Variants in MICAL2 observed in about 807,000 individuals in gnomAD.
The protein encoded by MICAL2 is microtubule associated monooxygenase, calponin and LIM domain containing 2, also known as [F-actin]-monooxygenase MICAL2.
MICAL2 carries 77 observed loss-of-function variants against 127.3 expected under a neutral mutation model. The ratio of observed to expected loss-of-function variants is 0.60; its 90% CI spans 0.50 to 0.73. The LOEUF is 0.73. Among genes scored for constraint, MICAL2 ranks in the 30% least tolerant of loss-of-function variants. The pLI, the probability that MICAL2 is intolerant of heterozygous loss-of-function variation, is 0.00. For synonymous variants in MICAL2, 570 were observed against 551.1 expected (o/e 1.03, Z -0.48); for missense variants, 1,351 against 1,434.4 (o/e 0.94, Z 0.94).
In MICAL2 at chr11:12,337,972, G is replaced by T. The variant is rs542607781; in HGVS notation, c.5515+10706G>T. Reference sequence around the variant, plus strand: ...AGTTCTGTAGGTGTCTAGTAGGTCCGCTTGGTGCAGAGCTGAGTTCAATTC... The same window carrying T: ...AGTTCTGTAGGTGTCTAGTAGGTCCTCTTGGTGCAGAGCTGAGTTCAATTC... On this transcript the variant is annotated intron_variant, in intron 32 of 34. Coordinates refer to the MICAL2 transcript ENST00000646065. Among the ~76,000 whole-genome samples the T allele has an allele frequency of 4.6e-5, 7 of 152,128 alleles. No individual in the cohort carries two copies. In the East Asian group the frequency reaches 5.8e-4, roughly 13 times the overall value.
intron 2 of MICAL2, among the ~76,000 whole-genome samples, chr11:12,157,203 G>T (rs1379243646): frequency 1.3e-5 from 2 of 152,148 alleles, no homozygotes; most frequent in African/African-American, 4.8e-5. Flanking sequence ...ATGCCATTTG[G>T]GAGAAGAGGC....
chr11:12,297,678 C>A (rs1864002325), intron 29 of MICAL2, among the ~76,000 whole-genome samples: 1 of 151,954 alleles, frequency 6.6e-6, no homozygotes, highest in African/African-American at 2.4e-5. Flanking sequence ...GTATTTACAT[C>A]AAGAAATTAT....
intron 3 of MICAL2, among the ~76,000 whole-genome samples, chr11:12,166,960 G>A (rs1459161695): frequency 6.6e-6 from 1 of 152,088 alleles, no homozygotes; most frequent in Non-Finnish European, 1.5e-5. Flanking sequence ...GTGGGGTGCG[G>A]GGAAAGGGTG....
intron 26 of MICAL2, 38 bp downstream of exon 26, chr11:12,259,935 G>A (rs1862871881): frequency 6.2e-7 from 1 of 1,606,212 alleles, no homozygotes; most frequent in Non-Finnish European, 8.5e-7. Flanking sequence ...TGCTGGGCTG[G>A]CCCCTCAGGC....
rs776698187 is a variant in MICAL2 at position 12,209,568 on chromosome 11, G to C, written c.661G>C (p.Gly221Arg). ...LSEFEFDVIIGADGRRNTLEG... is the reference protein window; with the variant it reads ...LSEFEFDVIIRADGRRNTLEG... ...GGAGTTTGAGTTTGACGTCATCATT[G>C]GTGCCGATGGCCGCAGGAACACCCT... is the stretch of plus-strand genomic sequence containing the variant. The change falls in exon 6 of 28, where the codon GGT (glycine) becomes CGT (arginine). Residue 221 changes from glycine (G) to arginine (R), a missense_variant. Coordinates refer to ENST00000683283, the MANE Select transcript of MICAL2 (RefSeq NM_001282663.2). 2.4e-5 allele frequency: 39 copies of C among 1,614,088 alleles called. No homozygotes were observed. The highest frequency in any genetic ancestry group is 3.2e-5 in the Non-Finnish European group (38 of 1,180,010).
chr11:12,240,903 G>A (rs1859830339), intron 17 of MICAL2, 137 bp from the exon 18 acceptor site: 5 of 1,158,170 alleles, frequency 4.3e-6, no homozygotes, highest in Non-Finnish European at 6.1e-6. Flanking sequence ...CGGGAGCTCA[G>A]CCCAGTGCTT....
intron 30 of MICAL2, among the ~76,000 whole-genome samples, chr11:12,320,007 CT>C (rs1490852292): frequency 6.6e-6 from 1 of 152,036 alleles, no homozygotes; most frequent in Non-Finnish European, 1.5e-5. Context: ...AGAAGTTTGC[CT>C]TTCTCAGACG....
intron 2 of MICAL2, among the ~76,000 whole-genome samples, chr11:12,152,029 T>C (rs1853629227): frequency 6.6e-6 from 1 of 151,972 alleles, no homozygotes; most frequent in African/African-American, 2.4e-5. Flanking sequence ...GGCTCATGCC[T>C]GTAATTCCAG....
rs141375026 is a variant in MICAL2 at position 12,226,600 on chromosome 11, C to A, written c.1888+230C>A. ...GGGTGACAGAATTATTTTAGAGGGA[C>A]CTGGTTACAATGACACCTCCTTGTT... On this transcript the variant is annotated intron_variant, in intron 14 of 27. Transcript: ENST00000683283. Among the ~76,000 whole-genome samples the A allele has an allele frequency of 1.6e-3, 241 of 151,510 alleles. 1 individual carries two copies. Among genetic ancestry groups the A allele is most frequent in the East Asian group, 6.0e-3 (31 of 5,152 alleles).
intron 3 of MICAL2, among the ~76,000 whole-genome samples, chr11:12,181,982 A>C (rs1310787454): frequency 2.0e-5 from 3 of 152,252 alleles, no homozygotes; most frequent in Non-Finnish European, 2.9e-5. Flanking sequence ...CTGTGACTTC[A>C]TCACTAATAG....
chr11:12,152,297 CAAAAAAAAAAAAAAAAA>C, intron 2 of MICAL2, among the ~76,000 whole-genome samples: 1 of 38,396 alleles, frequency 2.6e-5, no homozygotes, highest in East Asian at 1.1e-3. Flanking sequence ...GACTCTGTCT[CAAAAAAAAAAAAAAAAA>C]AAAAAAAAAA....
At position 12,255,242 on chromosome 11, in the gene MICAL2, C is replaced by T. The variant is rs111492676; in HGVS notation, c.2848-401C>T. ...CAGCCTTAACCATTTTTTAAGGGTA[C>T]GGTTTAGTGGTATTAAATACATCCT... On this transcript the variant is annotated intron_variant, in intron 22 of 27. Coordinates refer to ENST00000683283, the MANE Select transcript of MICAL2 (RefSeq NM_001282663.2). The T allele has an allele frequency of 8.3e-3, 1,531 of 185,272 alleles. 20 individuals carry two copies. The highest frequency in any genetic ancestry group is 0.033 in the African/African-American group (1,420 of 43,108). 11.5% of individuals were successfully genotyped at this position (185,272 alleles called of 1,614,324 possible).
intron 32 of MICAL2, among the ~76,000 whole-genome samples, chr11:12,332,961 C>A (rs909877209): frequency 6.6e-6 from 1 of 152,162 alleles, no homozygotes. Flanking sequence ...GCTCACTCAA[C>A]AAATACCGAC....
chr11:12,292,372 T>C (rs886377915), downstream of MICAL2: 1 of 1,511,812 alleles, frequency 6.6e-7, no homozygotes, highest in Non-Finnish European at 9.1e-7. Flanking sequence ...TCCACACTTA[T>C]CTCTGGATTC....
At chr11:12,330,783 C>T (rs927541410) in intron 32 of MICAL2, among the ~76,000 whole-genome samples, 9 of 95,972 alleles carry the variant, frequency 9.4e-5, no homozygotes, top group African/African-American at 1.6e-4. Flanking sequence ...TTTTGCAGGA[C>T]GTGGAGAGAG....
chr11:12,224,519 G>A (rs1857176934), intron 12 of MICAL2, 154 bp from the exon 13 acceptor site: 10 of 889,426 alleles, frequency 1.1e-5, no homozygotes, highest in Non-Finnish European at 1.4e-5. Flanking sequence ...AGTCCTCAGG[G>A]AGCTGCACCC....
At chr11:12,195,174 T>A (rs1429420647) in intron 3 of MICAL2, among the ~76,000 whole-genome samples, 1 of 152,148 alleles carries the variant, frequency 6.6e-6, no homozygotes, top group Admixed American at 6.5e-5. Flanking sequence ...GGAGGATCAC[T>A]AGGGCCCAGG....
chr11:12,224,555 C>T (rs1443856893), intron 12 of MICAL2, 118 bp from the exon 13 acceptor site: 3 of 1,407,676 alleles, frequency 2.1e-6, no homozygotes, highest in African/African-American at 1.4e-5. Context: ...TGCCCTGGCC[C>T]CTTGCCTTGG....
In MICAL2 at chr11:12,223,303, A is replaced by G. The variant is rs1857037109; in HGVS notation, c.1450-108A>G. ...GCCGAAGGTCATGCCTCCCAGCAGT[A>G]GAGGAAAATGGTGGCAGGCACTGAA... On this transcript the variant is annotated intron_variant, in intron 11 of 27. Coordinates refer to ENST00000683283, the MANE Select transcript of MICAL2 (RefSeq NM_001282663.2). 31 of 922,730 alleles carry G rather than the reference A, an allele frequency of 3.4e-5. No individual in the cohort carries two copies. The South Asian group carries it at 4.2e-4, about 13-fold the overall frequency. The allele number at this position is 922,730 out of a possible 1,614,324, so 57.2% of individuals were successfully genotyped here.
Sources: allele counts gnomAD v4.1 joint callset (sites outside exome capture counted in the v4.1 genomes callset), GRCh38; gene constraint gnomAD v4.1.1; transcripts MANE v1.5; gene names NCBI Gene and HGNC (gene_info 2026-07-23, HGNC 2026-07-21).